The following AASDH variants were observed in gnomAD, a reference collection of about 807,000 sequenced individuals.
AASDH encodes aminoadipate-semialdehyde dehydrogenase.
AASDH carries 81 observed loss-of-function variants against 102.3 expected under a neutral mutation model. The observed-to-expected ratio is 0.79, with a 90% CI of 0.66 to 0.95. The LOEUF (loss-of-function observed/expected upper bound fraction) is 0.95, where lower values mean the gene tolerates loss of function less well. AASDH is among the 40% of genes least tolerant of loss of function. The pLI is 0.00. For synonymous variants in AASDH, 398 were observed against 454.0 expected, an observed-to-expected ratio of 0.88 and a Z score of 1.57; for missense variants, 1,203 against 1,266.2, an observed-to-expected ratio of 0.95 and a Z score of 0.76.
chr4:56,361,395 T>C (rs1750278790), intron 5 of AASDH, among the ~76,000 whole-genome samples: 1 of 151,794 alleles, frequency 6.6e-6, no homozygotes, highest in Non-Finnish European at 1.5e-5. Context: ...CGTGACAGAG[T>C]AAGATTCCAT....
At chr4:56,361,071 C>T (rs918101067) in intron 5 of AASDH, among the ~76,000 whole-genome samples, 4 of 152,084 alleles carry the variant, frequency 2.6e-5, no homozygotes, top group Admixed American at 6.6e-5. Context: ...ATAATATCAA[C>T]TTTGAACTCA....
At chr4:56,368,314 T>A (rs563112334) in intron 5 of AASDH, among the ~76,000 whole-genome samples, 4 of 152,212 alleles carry the variant, frequency 2.6e-5, no homozygotes, top group Admixed American at 6.5e-5. Flanking sequence ...AGTGTGGCGA[T>A]TCCTCAGGGA....
intron 2 of AASDH, 54 bp downstream of exon 2, chr4:56,384,016 A>C: frequency 8.1e-6 from 12 of 1,472,842 alleles, no homozygotes; most frequent in Non-Finnish European, 1.0e-5. Flanking sequence ...TACTCTATTA[A>C]AAATTTACAT....
At chr4:56,365,359 C>G (rs190636579) in intron 5 of AASDH, among the ~76,000 whole-genome samples, 8 of 151,960 alleles carry the variant, frequency 5.3e-5, no homozygotes, top group African/African-American at 1.9e-4. Context: ...CAGCTCTGCA[C>G]CAAGCGGACC....
Position 56,378,175 on chromosome 4 carries a change from C to T in AASDH, c.641G>A (p.Cys214Tyr), listed in dbSNP as rs1310427163. The change falls in exon 4 of 15, where the codon TGT becomes TAT. Residue 214 changes from cysteine to tyrosine, a missense_variant. Cys to Tyr is a radical substitution (Grantham distance 194, BLOSUM62 -2). Transcript: ENST00000205214. ...AAAATGCTGGATATTTGGTACTATA[C>T]ACTTATGAGGCACTCTGACAATCTT... is the stretch of plus-strand genomic sequence containing the variant. ...IPKIVRVPHK[C>Y]IVPNIQHFRV... is the part of the protein sequence containing the mutation. 6.2e-7 allele frequency: 1 copy of T among 1,611,412 alleles called. No homozygotes were observed. The highest frequency in any genetic ancestry group is 8.5e-7 in the Non-Finnish European group (1 of 1,179,154).
chr4:56,372,175 A>T (rs2109973936), intron 4 of AASDH, among the ~76,000 whole-genome samples: 1 of 152,336 alleles, frequency 6.6e-6, no homozygotes, highest in South Asian at 2.1e-4. Flanking sequence ...AGGCCCAAAC[A>T]GCAGCTGGGT....
At chr4:56,370,916 T>C (rs953349418) in intron 5 of AASDH, among the ~76,000 whole-genome samples, 3 of 152,218 alleles carry the variant, frequency 2.0e-5, no homozygotes, top group African/African-American at 7.2e-5. Context: ...ACTTACAATG[T>C]AGTAACTCAA....
At chr4:56,359,327 C>T (rs946648029) in intron 5 of AASDH, among the ~76,000 whole-genome samples, 1 of 152,030 alleles carries the variant, frequency 6.6e-6, no homozygotes, top group Non-Finnish European at 1.5e-5. Flanking sequence ...CAACATCCGC[C>T]TCCTGCCTCC....
chr4:56,358,976 A>G (rs1219018391), intron 5 of AASDH, among the ~76,000 whole-genome samples: 1 of 152,146 alleles, frequency 6.6e-6, no homozygotes, highest in African/African-American at 2.4e-5. Context: ...ATGTATTTGG[A>G]AGCAAGTTTT....
intron 14 of AASDH, 52 bp downstream of exon 14, chr4:56,342,783 A>G: frequency 5.6e-6 from 4 of 712,636 alleles, no homozygotes; most frequent in Non-Finnish European, 7.3e-6. Context: ...TTTTATATAT[A>G]CATTTATATA....
chr4:56,338,796 A>G lies in AASDH; in HGVS notation c.2908-5T>C. Reference sequence around the variant, plus strand: ...ACTGGTAGAGAACTGCCAAACCTATAACAAGTAATAAAAATAAATATAATT... The same window carrying G: ...ACTGGTAGAGAACTGCCAAACCTATGACAAGTAATAAAAATAAATATAATT... On this transcript the variant is annotated splice_polypyrimidine_tract_variant and splice_region_variant and intron_variant, in intron 14 of 14. Coordinates refer to ENST00000205214, the MANE Select transcript of AASDH (RefSeq NM_181806.4). 6.2e-7 allele frequency: 1 copy of G among 1,610,446 alleles called. No homozygotes were observed. The highest frequency in any genetic ancestry group is 1.1e-5 in the South Asian group (1 of 90,570).
intron 14 of AASDH, among the ~76,000 whole-genome samples, chr4:56,342,354 C>T (rs1000073960): frequency 2.0e-5 from 3 of 152,026 alleles, no homozygotes; most frequent in Admixed American, 6.6e-5. Flanking sequence ...ACCACAAACA[C>T]CCTGACTTAA....
intron 5 of AASDH, among the ~76,000 whole-genome samples, chr4:56,357,669 A>G (rs1749784739): frequency 6.7e-6 from 1 of 149,994 alleles, no homozygotes; most frequent in Non-Finnish European, 1.5e-5. Flanking sequence ...AATAGAAATT[A>G]TATATTCCAT....
At chr4:56,362,593 G>A (rs994444568) in intron 5 of AASDH, among the ~76,000 whole-genome samples, 3 of 152,152 alleles carry the variant, frequency 2.0e-5, no homozygotes, top group African/African-American at 4.8e-5. Context: ...CCTGCTTCAT[G>A]TCCAATTAGG....
chr4:56,378,096 A>G (rs1752555668), intron 4 of AASDH, 52 bp downstream of exon 4: 3 of 1,517,722 alleles, frequency 2.0e-6, no homozygotes, highest in African/African-American at 1.4e-5. Context: ...ATAAGCCACC[A>G]CACCTGGCCT....
intron 5 of AASDH, among the ~76,000 whole-genome samples, chr4:56,368,599 C>T (rs1213829308): frequency 2.0e-5 from 3 of 151,202 alleles, no homozygotes; most frequent in Non-Finnish European, 4.4e-5. Context: ...AACCATCATT[C>T]TCAGCAAACT....
intron 12 of AASDH, 82 bp from the exon 13 acceptor site, chr4:56,343,766 G>T: frequency 1.5e-6 from 2 of 1,337,854 alleles, no homozygotes; most frequent in Non-Finnish European, 2.0e-6. Flanking sequence ...TATTATGTCT[G>T]TTTAGTTAAT....
chr4:56,367,799 T>C (rs1751198988), intron 5 of AASDH, among the ~76,000 whole-genome samples: 3 of 151,708 alleles, frequency 2.0e-5, no homozygotes, highest in African/African-American at 4.8e-5. Context: ...ATTCAGCACA[T>C]AGGCATGGGC....
chr4:56,358,314 T>C (rs1483253414), intron 5 of AASDH, among the ~76,000 whole-genome samples: 1 of 151,716 alleles, frequency 6.6e-6, no homozygotes, highest in African/African-American at 2.4e-5. Flanking sequence ...TTGTACTTCC[T>C]CCTGTCCAAT....
Sources: gnomAD v4.1 joint callset for allele counts (sites outside exome capture counted in the v4.1 genomes callset) on GRCh38, gnomAD v4.1.1 for gene constraint, MANE v1.5 for transcripts, NCBI Gene and HGNC (gene_info 2026-07-23, HGNC 2026-07-21) for gene names.